The following C2CD3 variants were observed in gnomAD, a reference collection of about 807,000 sequenced individuals.
The protein encoded by C2CD3 is C2 domain containing 3 centriole elongation regulator, also known as C2 domain-containing protein 3.
C2CD3 carries 148 observed loss-of-function variants against 234.0 expected under a neutral mutation model. The observed-to-expected ratio is 0.63, with a 90% CI of 0.55 to 0.72. The LOEUF (loss-of-function observed/expected upper bound fraction) is 0.72. Ranked by LOEUF, C2CD3 falls within the 30% of genes least tolerant of loss-of-function variation. The pLI, the probability that C2CD3 is intolerant of heterozygous loss-of-function variation, is 0.00. For synonymous variants in C2CD3, 1,000 were observed against 1,035.4 expected (o/e 0.97, Z 0.66); for missense variants, 2,577 against 2,811.5 (o/e 0.92, Z 1.89).
At chr11:74,108,991 C>A in intron 12 of C2CD3, 43 bp downstream of exon 12, 2 of 947,238 alleles carry the variant, frequency 2.1e-6, no homozygotes, top group Non-Finnish European at 3.4e-6. Flanking sequence ...CCTCCAAATC[C>A]CTAGTGTGAA....
At chr11:74,149,393 G>T (rs1324979868) in intron 3 of C2CD3, among the ~76,000 whole-genome samples, 1 of 151,880 alleles carries the variant, frequency 6.6e-6, no homozygotes, top group African/African-American at 2.4e-5. Flanking sequence ...TAGAGATCAG[G>T]TCTTGCCATG....
intron 22 of C2CD3, among the ~76,000 whole-genome samples, chr11:74,083,220 G>A (rs1319375638): frequency 6.6e-6 from 1 of 152,138 alleles, no homozygotes; most frequent in East Asian, 1.9e-4. Flanking sequence ...AAATAGTGCT[G>A]GGAAAACTGG....
chr11:74,036,942 C>T (rs1190393908), intron 30 of C2CD3, among the ~76,000 whole-genome samples: 1 of 152,080 alleles, frequency 6.6e-6, no homozygotes, highest in Non-Finnish European at 1.5e-5. Flanking sequence ...TCAATAATTC[C>T]AATATGCAGC....
intron 22 of C2CD3, among the ~76,000 whole-genome samples, chr11:74,078,920 G>C (rs1591409451): frequency 1.3e-5 from 2 of 152,324 alleles, no homozygotes; most frequent in East Asian, 3.9e-4. Flanking sequence ...GGAGTTGGAA[G>C]ATCTGAGTTC....
rs1043164702 is a variant in C2CD3, at chr11:74,034,439, C to T, written c.5882-161G>A. 6.0e-5 allele frequency: 92 copies of T among 1,536,298 alleles called. No individual in the cohort carries two copies. The East Asian group carries it at 1.2e-3, about 20-fold the overall frequency. ...AGATTCAGTGAGACTATATTCAAGG[C>T]GGTACAATTTTTAGTACTTTATTCT... On this transcript the variant is annotated intron_variant, in intron 30 of 32. Coordinates refer to ENST00000334126, the MANE Select transcript of C2CD3 (RefSeq NM_001286577.2).
chr11:74,134,917 A>G (rs1376211053), intron 5 of C2CD3, among the ~76,000 whole-genome samples: 1 of 152,060 alleles, frequency 6.6e-6, no homozygotes, highest in Non-Finnish European at 1.5e-5. Context: ...TACAGATGGT[A>G]TCTTGCTATG....
intron 3 of C2CD3, among the ~76,000 whole-genome samples, chr11:74,153,180 C>G (rs907252072): frequency 2.0e-5 from 3 of 151,872 alleles, no homozygotes. Flanking sequence ...ATCATGCCAG[C>G]CTGGGTGACA....
rs772297647 is a variant in C2CD3, at chr11:74,049,430, C to T, written c.5268G>A (p.Gly1756=). 8.7e-6 allele frequency: 14 copies of T among 1,613,976 alleles called. No individual in the cohort carries two copies. Among genetic ancestry groups the T allele is most frequent in the Admixed American group, 1.7e-5 (1 of 60,014 alleles). The part of the protein sequence containing the change: ...NITDFSGECQ[G]QIKVAVSPLE... ...AAGGGGAGACAGCAACTTTTATCTG[C>T]CCCTGGCACTCTCCACTGAAGTCTG... The change falls in exon 27 of 33, where the codon GGG becomes GGA. Residue 1756 remains glycine (G), a synonymous_variant. Coordinates refer to ENST00000334126, the MANE Select transcript of C2CD3 (RefSeq NM_001286577.2).
intron 24 of C2CD3, among the ~76,000 whole-genome samples, chr11:74,066,132 T>C (rs936387999): frequency 2.0e-5 from 3 of 148,706 alleles, no homozygotes; most frequent in African/African-American, 7.5e-5. Flanking sequence ...AAAGGATGAG[T>C]TCGTGTCCTT....
At chr11:74,057,613 A>G in intron 24 of C2CD3, 69 bp from the exon 25 acceptor site, 2 of 1,510,088 alleles carry the variant, frequency 1.3e-6, no homozygotes, top group East Asian at 4.5e-5. Flanking sequence ...TACAGGCACA[A>G]GCAGGACTAT....
At chr11:74,055,275 A>G (rs1953902067) in intron 25 of C2CD3, among the ~76,000 whole-genome samples, 1 of 152,216 alleles carries the variant, frequency 6.6e-6, no homozygotes, top group Non-Finnish European at 1.5e-5. Flanking sequence ...CCTCAATGCT[A>G]CACCATGCAG....
At chr11:74,134,209 A>G (rs1957781732) in intron 5 of C2CD3, among the ~76,000 whole-genome samples, 1 of 152,250 alleles carries the variant, frequency 6.6e-6, no homozygotes, top group South Asian at 2.1e-4. Context: ...CAGATAAAAA[A>G]TTGAGGCAGA....
At chr11:74,091,870 A>C (rs1955905732) in intron 19 of C2CD3, among the ~76,000 whole-genome samples, 1 of 152,186 alleles carries the variant, frequency 6.6e-6, no homozygotes, top group East Asian at 1.9e-4. Context: ...CTAGAATTGT[A>C]TACAAAATTG....
intron 24 of C2CD3, among the ~76,000 whole-genome samples, chr11:74,073,653 T>C (rs1305417532): frequency 1.3e-5 from 2 of 149,950 alleles, no homozygotes; most frequent in African/African-American, 4.9e-5. Flanking sequence ...TTCAAAGAAA[T>C]CATAGTTATA....
At chr11:74,130,930 T>C (rs547726992) in intron 7 of C2CD3, among the ~76,000 whole-genome samples, 6 of 152,238 alleles carry the variant, frequency 3.9e-5, no homozygotes, top group Admixed American at 2.6e-4. Flanking sequence ...TTTTTCCATG[T>C]ATTTAAATCT....
chr11:74,156,459 C>CAAGA (rs1856029202), intron 3 of C2CD3, among the ~76,000 whole-genome samples: 1 of 40,932 alleles, frequency 2.4e-5, no homozygotes, highest in Non-Finnish European at 5.5e-5. Flanking sequence ...GACCCTATCT[C>CAAGA]AAAAAAAAAA....
intron 8 of C2CD3, among the ~76,000 whole-genome samples, chr11:74,120,585 CAT>C (rs1220474147): frequency 1.3e-5 from 2 of 152,202 alleles, no homozygotes; most frequent in Admixed American, 6.5e-5. Context: ...CCGCAATAAA[CAT>C]ATGTGTGCAT....
At position 74,013,172 on chromosome 11, in the gene C2CD3, G is replaced by A; in HGVS notation, c.*213C>T. 8.6e-6 allele frequency: 3 copies of A among 348,088 alleles called. No individual in the cohort carries two copies. Among genetic ancestry groups the A allele is most frequent in the Non-Finnish European group, 1.5e-5 (3 of 194,852 alleles). 21.6% of individuals were successfully genotyped at this position (348,088 alleles called of 1,614,324 possible). On this transcript the variant is annotated 3_prime_UTR_variant, in exon 33 of 33. Coordinates refer to ENST00000334126, the MANE Select transcript of C2CD3 (RefSeq NM_001286577.2). ...GCCTTTGCCTCACCACAGAAAAAAGGAGCTGAAATTCTGGCAAGTGGACAC... is the reference window on the plus strand; with the variant it reads ...GCCTTTGCCTCACCACAGAAAAAAGAAGCTGAAATTCTGGCAAGTGGACAC...
intron 32 of C2CD3, among the ~76,000 whole-genome samples, chr11:74,027,575 G>A (rs2135407690): frequency 6.6e-6 from 1 of 152,194 alleles, no homozygotes; most frequent in African/African-American, 2.4e-5. Context: ...CTTTATCACA[G>A]CACCTGGTAC....
Sources: allele counts gnomAD v4.1 joint callset (sites outside exome capture counted in the v4.1 genomes callset), GRCh38; gene constraint gnomAD v4.1.1; transcripts MANE v1.5; gene names NCBI Gene and HGNC (gene_info 2026-07-23, HGNC 2026-07-21).